KALRN: variants seen among roughly 807,000 people sequenced by gnomAD.
KALRN encodes kalirin.
KALRN carries 70 observed loss-of-function variants against 353.7 expected under a neutral mutation model. The ratio of observed to expected loss-of-function variants is 0.20; its 90% CI spans 0.16 to 0.24. KALRN has a LOEUF of 0.24. Ranked by LOEUF, KALRN falls within the 10% of genes least tolerant of loss-of-function variation. The pLI is 1.00. For synonymous variants in KALRN, 1,391 were observed against 1,434.8 expected (o/e 0.97, Z 0.69); for missense variants, 2,791 against 3,756.7 (o/e 0.74, Z 6.72).
At chr3:124,575,715 A>G (rs985356218) in intron 34 of KALRN, among the ~76,000 whole-genome samples, 3 of 152,056 alleles carry the variant, frequency 2.0e-5, no homozygotes, top group Admixed American at 1.3e-4. Flanking sequence ...CTCCATCTTC[A>G]AAGCCAGCAA....
chr3:124,169,382 A>T (rs62265091), intron 1 of KALRN, among the ~76,000 whole-genome samples: 1 of 152,264 alleles, frequency 6.6e-6, no homozygotes, highest in East Asian at 1.9e-4. Flanking sequence ...ATCTCCCTAC[A>T]GGGTAAGGGC....
At chr3:124,186,913 G>A (rs548989798) in intron 1 of KALRN, among the ~76,000 whole-genome samples, 12 of 152,296 alleles carry the variant, frequency 7.9e-5, no homozygotes, top group Middle Eastern at 6.8e-3. Flanking sequence ...CAGTTGGGAG[G>A]AGGGGTAGAA....
chr3:124,236,834 C>T (rs1297885973), intron 3 of KALRN, among the ~76,000 whole-genome samples: 1 of 152,206 alleles, frequency 6.6e-6, no homozygotes, highest in Non-Finnish European at 1.5e-5. Flanking sequence ...AAGATGCAGG[C>T]TCTCTGCTTC....
intron 1 of KALRN, 26 bp from the exon 2 acceptor site, chr3:124,227,964 A>G: frequency 6.2e-7 from 1 of 1,600,956 alleles, no homozygotes; most frequent in South Asian, 1.1e-5. Context: ...TCTCACCCTG[A>G]TTCCTTCTGG....
At chr3:124,318,078 C>A (rs1055108743) in intron 6 of KALRN, among the ~76,000 whole-genome samples, 2 of 152,186 alleles carry the variant, frequency 1.3e-5, no homozygotes, top group East Asian at 1.9e-4. Flanking sequence ...TATGGCCAGG[C>A]GCTTGTTTTC....
intron 13 of KALRN, among the ~76,000 whole-genome samples, chr3:124,403,649 C>T (rs970652445): frequency 6.6e-6 from 1 of 152,184 alleles, no homozygotes; most frequent in Non-Finnish European, 1.5e-5. Flanking sequence ...CTGATTATAA[C>T]TTACTGGTGG....
At chr3:124,062,361 T>C (rs1306257641) in intron 1 of KALRN, among the ~76,000 whole-genome samples, 1 of 152,250 alleles carries the variant, frequency 6.6e-6, no homozygotes, top group Non-Finnish European at 1.5e-5. Context: ...TTATTGCTTC[T>C]ATTTAAAGCC....
chr3:124,144,591 TCG>T (rs2067066871), intron 1 of KALRN, among the ~76,000 whole-genome samples: 3 of 151,452 alleles, frequency 2.0e-5, no homozygotes, highest in African/African-American at 7.3e-5. Flanking sequence ...CTCCTCTTCC[TCG>T]TCTTCCTTCT....
chr3:124,580,079 T>C (rs1486156768), intron 34 of KALRN, among the ~76,000 whole-genome samples: 10 of 152,194 alleles, frequency 6.6e-5, no homozygotes, highest in Non-Finnish European at 1.5e-5. Context: ...GGTCTCCATG[T>C]GTTTCTGTAC....
At chr3:124,422,349 C>T (rs1249096463) in intron 14 of KALRN, among the ~76,000 whole-genome samples, 2 of 151,936 alleles carry the variant, frequency 1.3e-5, no homozygotes, top group East Asian at 3.8e-4. Flanking sequence ...TTGAAGTGAA[C>T]TTACCATCTA....
intron 10 of KALRN, among the ~76,000 whole-genome samples, chr3:124,369,462 T>A (rs1452329621): frequency 2.0e-5 from 3 of 152,236 alleles, no homozygotes; most frequent in African/African-American, 4.8e-5. Flanking sequence ...TTTAAATTTC[T>A]TATTTTTTAA....
rs562358416 is a variant in KALRN at position 124,354,140 on chromosome 3, AACTGTC to A, written c.1770+6878_1770+6883del. On this transcript the variant is annotated intron_variant, in intron 10 of 59. Coordinates refer to ENST00000682506, the MANE Select transcript of KALRN (RefSeq NM_001388419.1). ...CCATGAACCTTTTATTAACCCCATG[AACTGTC>A]ACCCACATTTGCTGCTTCCTTTGGG... Among the ~76,000 whole-genome samples the A allele has an allele frequency of 1.8e-3, 280 of 152,358 alleles. 3 individuals carry two copies. Among genetic ancestry groups the A allele is most frequent in the African/African-American group, 6.5e-3 (271 of 41,586 alleles).
intron 8 of KALRN, among the ~76,000 whole-genome samples, chr3:124,333,923 A>G (rs2080861040): frequency 6.6e-6 from 1 of 152,194 alleles, no homozygotes; most frequent in Non-Finnish European, 1.5e-5. Flanking sequence ...AATTTACCAA[A>G]TGCCTACTGT....
chr3:124,432,254 CA>C (rs3836299), intron 16 of KALRN, among the ~76,000 whole-genome samples: 12,116 of 146,982 alleles, frequency 0.082, 605 homozygotes, highest in East Asian at 0.19. Context: ...ACTGAAAATA[CA>C]AAAAAAAAAG....
intron 14 of KALRN, among the ~76,000 whole-genome samples, chr3:124,419,977 C>T (rs1342527134): frequency 2.0e-5 from 3 of 152,116 alleles, no homozygotes; most frequent in East Asian, 1.9e-4. Flanking sequence ...TTAACTAGGA[C>T]TCGTGTCAGT....
chr3:124,082,139 G>T (rs1036806799), intron 1 of KALRN: 4 of 399,334 alleles, frequency 1.0e-5, no homozygotes, highest in Non-Finnish European at 1.5e-5. Flanking sequence ...AGCTGCAATT[G>T]CATCAGGCTG....
At chr3:124,520,684 T>C (rs2067090754) in intron 33 of KALRN, among the ~76,000 whole-genome samples, 1 of 152,106 alleles carries the variant, frequency 6.6e-6, no homozygotes, top group Non-Finnish European at 1.5e-5. Context: ...TTGGGCCAAC[T>C]CTTTGGGAAA....
chr3:124,230,046 T>C (rs1579715610), intron 2 of KALRN, among the ~76,000 whole-genome samples: 1 of 152,212 alleles, frequency 6.6e-6, no homozygotes, highest in Non-Finnish European at 1.5e-5. Context: ...GCTAAGCATA[T>C]GGGAAGACCT....
At chr3:124,589,289 A>G (rs188542770) in intron 34 of KALRN, among the ~76,000 whole-genome samples, 2 of 152,328 alleles carry the variant, frequency 1.3e-5, no homozygotes, top group Admixed American at 1.3e-4. Context: ...AACTGCAAAA[A>G]GGAACCATTA....
Sources: gnomAD v4.1 joint callset for allele counts (sites outside exome capture counted in the v4.1 genomes callset) on GRCh38, gnomAD v4.1.1 for gene constraint, MANE v1.5 for transcripts, NCBI Gene and HGNC (gene_info 2026-07-23, HGNC 2026-07-21) for gene names.